The following ZNF341 variants were observed in gnomAD, a reference collection of about 807,000 sequenced individuals.
ZNF341 encodes zinc finger protein 341.
In ZNF341, 52 loss-of-function variants were observed where a neutral mutation model predicts 87.7. That is an observed-to-expected ratio of 0.59 (90% confidence interval 0.47 to 0.75). ZNF341 has a LOEUF of 0.75. Among genes scored for constraint, ZNF341 ranks in the 30% least tolerant of loss-of-function variants. The pLI, the probability that ZNF341 is intolerant of heterozygous loss-of-function variation, is 0.00. For missense variants in ZNF341, 977 were observed against 1,145.9 expected (o/e 0.85, Z 2.13); for synonymous variants, 459 against 472.7 (o/e 0.97, Z 0.38).
chr20:33,757,794 T>C (rs1463846994), intron 6 of ZNF341, among the ~76,000 whole-genome samples: 1 of 152,050 alleles, frequency 6.6e-6, no homozygotes, highest in Non-Finnish European at 1.5e-5. Context: ...CACATGGCCA[T>C]ACCTAGCTGC....
At chr20:33,763,263 G>A (rs750883008) in intron 8 of ZNF341, among the ~76,000 whole-genome samples, 22 of 152,158 alleles carry the variant, frequency 1.4e-4, no homozygotes, top group Non-Finnish European at 2.8e-4. Flanking sequence ...TGGGCTTCTA[G>A]TGTACCCATC....
At chr20:33,745,944 T>G (rs1178844728) in intron 3 of ZNF341, among the ~76,000 whole-genome samples, 1 of 149,382 alleles carries the variant, frequency 6.7e-6, no homozygotes, top group Non-Finnish European at 1.5e-5. Context: ...TTTTTTTTTT[T>G]TTTTGAGACG....
intron 4 of ZNF341, chr20:33,752,438 C>G: frequency 3.3e-6 from 2 of 602,884 alleles, no homozygotes; most frequent in South Asian, 2.9e-5. Context: ...CTTGAAGCCA[C>G]TCCATGGATG....
intron 11 of ZNF341, among the ~76,000 whole-genome samples, chr20:33,782,894 G>C: frequency 6.6e-6 from 1 of 152,278 alleles, no homozygotes; most frequent in East Asian, 1.9e-4. Flanking sequence ...GGTGGTGGGC[G>C]CCTGTAATCC....
chr20:33,783,467 T>C (rs1420832298), intron 11 of ZNF341, among the ~76,000 whole-genome samples: 1 of 152,100 alleles, frequency 6.6e-6, no homozygotes, highest in African/African-American at 2.4e-5. Flanking sequence ...TTGAAGGATG[T>C]GTAAGAGTTT....
chr20:33,733,086 G>A (rs1160966213), intron 1 of ZNF341, among the ~76,000 whole-genome samples: 1 of 152,096 alleles, frequency 6.6e-6, no homozygotes, highest in African/African-American at 2.4e-5. Context: ...TCACTCTGTC[G>A]CCCAGGCTGG....
chr20:33,747,614 C>CAAAAAAAA (rs773781002), intron 3 of ZNF341, among the ~76,000 whole-genome samples: 1 of 15,624 alleles, frequency 6.4e-5, no homozygotes, highest in Non-Finnish European at 9.8e-5. Flanking sequence ...GACTCCGTCT[C>CAAAAAAAA]AAAAAAAAAA....
At chr20:33,750,523 G>A (rs1215489530) in intron 4 of ZNF341, among the ~76,000 whole-genome samples, 3 of 152,090 alleles carry the variant, frequency 2.0e-5, no homozygotes, top group Admixed American at 1.3e-4. Context: ...GAGTACAGTG[G>A]TAGGATCATA....
In ZNF341 at chr20:33,791,678, T is replaced by C; in HGVS notation, c.*161T>C. 1 of 820,008 alleles carries C rather than the reference T, an allele frequency of 1.2e-6. No homozygotes were observed. The highest frequency in any genetic ancestry group is 1.8e-6 in the Non-Finnish European group (1 of 551,644). 50.8% of individuals were successfully genotyped at this position (820,008 alleles called of 1,614,324 possible). A position where few individuals can be genotyped will look rare whatever the true frequency, so the allele number is the denominator to read the frequency against. On this transcript the variant is annotated 3_prime_UTR_variant, in exon 15 of 15. Coordinates refer to ENST00000375200, the MANE Select transcript of ZNF341 (RefSeq NM_001282933.2). ...CAGAAACCTCAGCCCATGGTCGCCC[T>C]CCTGTGCCCCTCTCCTGCCGGAAAG...
chr20:33,751,811 C>T (rs2019061542), intron 4 of ZNF341, among the ~76,000 whole-genome samples: 2 of 152,006 alleles, frequency 1.3e-5, no homozygotes, highest in South Asian at 4.2e-4. Context: ...TCCTGGACTC[C>T]ACCCGCCTCA....
intron 14 of ZNF341, among the ~76,000 whole-genome samples, 181 bp from the exon 15 acceptor site, chr20:33,790,807 G>C (rs1012589576): frequency 6.6e-6 from 1 of 152,220 alleles, no homozygotes; most frequent in Non-Finnish European, 1.5e-5. Context: ...CATCTCTGAG[G>C]AGAGCGAGTG....
chr20:33,763,904 C>G (rs1173885575), intron 8 of ZNF341, among the ~76,000 whole-genome samples: 2 of 151,642 alleles, frequency 1.3e-5, no homozygotes, highest in Non-Finnish European at 2.9e-5. Flanking sequence ...AAATGTTCAG[C>G]CGGGCATGGT....
chr20:33,769,375 T>TGG (rs1229929926), intron 9 of ZNF341, among the ~76,000 whole-genome samples: 14 of 5,958 alleles, frequency 2.3e-3, no homozygotes, highest in Non-Finnish European at 3.6e-3. Flanking sequence ...GGGGTGGTGG[T>TGG]GGGGGGGGGG....
chr20:33,762,020 T>C lies in ZNF341; in HGVS notation c.1187T>C (p.Leu396Pro). Reference sequence around the variant, plus strand: ...TCTGTGACCGTACAGGTCATGGCCCTGAACCCCAGCAGGCAGGAGGACGAG... The same window carrying C: ...TCTGTGACCGTACAGGTCATGGCCCCGAACCCCAGCAGGCAGGAGGACGAG... The part of the protein sequence containing the change: ...RNSVTVQVMA[L>P]NPSRQEDEES... Residue 396 changes from leucine to proline, a missense_variant, in exon 8 of 15, where the codon CTG becomes CCG. Leu to Pro is a moderately conservative substitution (Grantham distance 98, BLOSUM62 -3). Transcript: ENST00000375200. The C allele has an allele frequency of 6.3e-7, 1 of 1,580,354 alleles. No individual in the cohort carries two copies. The highest frequency in any genetic ancestry group is 8.7e-7 in the Non-Finnish European group (1 of 1,155,100).
chr20:33,750,413 C>T (rs371478277), intron 4 of ZNF341, among the ~76,000 whole-genome samples: 3 of 151,990 alleles, frequency 2.0e-5, no homozygotes, highest in Non-Finnish European at 4.4e-5. Flanking sequence ...GGGAACCCAA[C>T]GAACACAGTG....
At chr20:33,733,993 ACTTTCT>A (rs1186733627) in intron 1 of ZNF341, among the ~76,000 whole-genome samples, 1 of 152,228 alleles carries the variant, frequency 6.6e-6, no homozygotes, top group African/African-American at 2.4e-5. Flanking sequence ...GGTGAGGCTT[ACTTTCT>A]CTTTAGGCTG....
chr20:33,747,397 C>T (rs931986358), intron 3 of ZNF341, among the ~76,000 whole-genome samples: 4 of 136,058 alleles, frequency 2.9e-5, no homozygotes, highest in African/African-American at 7.5e-5. Context: ...GGGCGGATCA[C>T]GAGGTCAGGA....
rs758167692 is a variant in ZNF341 at position 33,753,467 on chromosome 20, A to C, written c.741+44A>C. ...GTGGAAGAGGACACTGGTCATGGAC[A>C]TCATGGCCAACCCGGACCCATCCTG... On this transcript the variant is annotated intron_variant, in intron 5 of 14. Transcript: ENST00000375200. The C allele has an allele frequency of 6.6e-6, 10 of 1,518,942 alleles. No homozygotes were observed. The East Asian group carries it at 2.4e-4, about 36-fold the overall frequency. The allele number at this position is 1,518,942 out of a possible 1,614,324, so 94.1% of individuals were successfully genotyped here.
chr20:33,778,911 CTT>C (rs918372512), intron 10 of ZNF341, among the ~76,000 whole-genome samples: 1 of 152,102 alleles, frequency 6.6e-6, no homozygotes, highest in African/African-American at 2.4e-5. Context: ...ATGGTGGTGT[CTT>C]TTCTCCCTTC....
Sources: gnomAD v4.1 joint callset for allele counts (sites outside exome capture counted in the v4.1 genomes callset) on GRCh38, gnomAD v4.1.1 for gene constraint, MANE v1.5 for transcripts, NCBI Gene and HGNC (gene_info 2026-07-23, HGNC 2026-07-21) for gene names.